The following PCDH9 variants were observed in gnomAD, a reference collection of about 807,000 sequenced individuals.
PCDH9 encodes protocadherin-9.
A neutral mutation model predicts 70.6 loss-of-function variants in PCDH9; 24 were observed. That is an observed-to-expected ratio of 0.34 (90% CI 0.25 to 0.48). PCDH9 has a LOEUF of 0.48. Ranked by LOEUF, PCDH9 falls within the 20% of genes least tolerant of loss-of-function variation. The probability of loss-of-function intolerance (pLI) is 0.99; values close to 1 mark genes in which losing one functional copy is unlikely to be tolerated. For synonymous variants in PCDH9, 562 were observed against 558.5 expected, an observed-to-expected ratio of 1.01 and a Z score of -0.09; for missense variants, 1,281 against 1,503.6, an observed-to-expected ratio of 0.85 and a Z score of 2.45.
intron 2 of PCDH9, among the ~76,000 whole-genome samples, chr13:67,181,540 G>C (rs557343018): frequency 1.3e-5 from 2 of 152,102 alleles, no homozygotes; most frequent in East Asian, 3.9e-4. Context: ...TGCTAATATG[G>C]TATGACATAA....
intron 2 of PCDH9, among the ~76,000 whole-genome samples, chr13:67,121,079 G>A (rs1248696887): frequency 1.3e-5 from 2 of 152,098 alleles, no homozygotes; most frequent in Non-Finnish European, 2.9e-5. Context: ...ACAAAGTCAC[G>A]CAAATGACTC....
intron 4 of PCDH9, among the ~76,000 whole-genome samples, chr13:66,416,813 C>A (rs561203581): frequency 6.6e-6 from 1 of 152,226 alleles, no homozygotes; most frequent in East Asian, 1.9e-4. Context: ...ATGCTAAGCT[C>A]TGAATGCCAA....
intron 4 of PCDH9, among the ~76,000 whole-genome samples, chr13:66,447,007 T>G (rs541284193): frequency 6.6e-6 from 1 of 152,182 alleles, no homozygotes; most frequent in Admixed American, 6.5e-5. Context: ...AGCTTGTTCA[T>G]AAGTTTAGGA....
intron 2 of PCDH9, among the ~76,000 whole-genome samples, chr13:67,109,665 G>A (rs976140759): frequency 9.9e-5 from 15 of 152,082 alleles, no homozygotes; most frequent in East Asian, 1.9e-4. Context: ...TTTCAAAAAC[G>A]TATCTCCAGT....
At chr13:66,887,166 G>A (rs1401126667) in intron 3 of PCDH9, among the ~76,000 whole-genome samples, 6 of 149,444 alleles carry the variant, frequency 4.0e-5, no homozygotes, top group African/African-American at 1.2e-4. Context: ...TTTTGGCACC[G>A]CATCACCAAG....
At chr13:66,969,408 C>G (rs1478036345) in intron 2 of PCDH9, among the ~76,000 whole-genome samples, 1 of 151,944 alleles carries the variant, frequency 6.6e-6, no homozygotes, top group Non-Finnish European at 1.5e-5. Flanking sequence ...TTATATTCAG[C>G]AGCTTATATA....
chr13:66,440,999 T>A (rs1017993866), intron 4 of PCDH9, among the ~76,000 whole-genome samples: 1 of 152,176 alleles, frequency 6.6e-6, no homozygotes, highest in Non-Finnish European at 1.5e-5. Context: ...CTCAACTTCA[T>A]TCACCATGAT....
At chr13:66,633,312 G>A (rs546778508) in intron 3 of PCDH9, among the ~76,000 whole-genome samples, 9 of 152,252 alleles carry the variant, frequency 5.9e-5, no homozygotes, top group African/African-American at 1.9e-4. Flanking sequence ...AACGTGCCTA[G>A]GTGAGTGCTA....
chr13:66,673,711 T>C (rs1191011694), intron 3 of PCDH9, among the ~76,000 whole-genome samples: 1 of 152,178 alleles, frequency 6.6e-6, no homozygotes, highest in East Asian at 1.9e-4. Context: ...AACTTTGTAC[T>C]TTGTTATGGT....
At chr13:66,560,425 G>A (rs1961959343) in intron 4 of PCDH9, among the ~76,000 whole-genome samples, 1 of 150,956 alleles carries the variant, frequency 6.6e-6, no homozygotes, top group Non-Finnish European at 1.5e-5. Flanking sequence ...GTAAGGAGCT[G>A]GACCTTGTGC....
At chr13:66,449,201 T>C (rs1015388631) in intron 4 of PCDH9, among the ~76,000 whole-genome samples, 1 of 152,156 alleles carries the variant, frequency 6.6e-6, no homozygotes, top group Non-Finnish European at 1.5e-5. Context: ...TAGCCACTAG[T>C]ATTTGAACAT....
chr13:67,042,668 C>T (rs1376440272), intron 2 of PCDH9, among the ~76,000 whole-genome samples: 1 of 152,110 alleles, frequency 6.6e-6, no homozygotes, highest in Non-Finnish European at 1.5e-5. Context: ...ACTATTCATT[C>T]AAAAACAAAT....
intron 4 of PCDH9, among the ~76,000 whole-genome samples, chr13:66,522,922 A>T (rs765333185): frequency 2.6e-5 from 4 of 152,078 alleles, no homozygotes; most frequent in Non-Finnish European, 1.5e-5. Context: ...GTCACAGGAA[A>T]CTGACACAAT....
intron 4 of PCDH9, among the ~76,000 whole-genome samples, chr13:66,512,939 C>G (rs1172579749): frequency 6.6e-6 from 1 of 151,954 alleles, no homozygotes; most frequent in African/African-American, 2.4e-5. Flanking sequence ...AGTGATCCTC[C>G]CAACTCAGCC....
rs148704498 is a variant in PCDH9, at chr13:67,228,750, G to T, written c.-135-175C>A. On this transcript the variant is annotated intron_variant, in intron 1 of 4. Coordinates refer to ENST00000377865, the MANE Select transcript of PCDH9 (RefSeq NM_203487.3). ...TAAATATCTCCTGCTGGTTGCATTTGCCGGGAGAAAATAAAATTTTCTACT... is the reference window on the plus strand; with the variant it reads ...TAAATATCTCCTGCTGGTTGCATTTTCCGGGAGAAAATAAAATTTTCTACT... Among the ~76,000 whole-genome samples the T allele has an allele frequency of 2.9e-3, 448 of 152,292 alleles. 2 individuals are homozygous for T. The highest frequency in any genetic ancestry group is 0.01 in the African/African-American group (420 of 41,566).
intron 4 of PCDH9, among the ~76,000 whole-genome samples, chr13:66,334,574 T>C (rs543759281): frequency 3.5e-4 from 54 of 152,156 alleles, no homozygotes; most frequent in African/African-American, 1.2e-3. Flanking sequence ...CTTGCCAGCC[T>C]CCACAACAAT....
chr13:66,860,179 G>T (rs566892715), intron 3 of PCDH9, among the ~76,000 whole-genome samples: 2 of 152,148 alleles, frequency 1.3e-5, no homozygotes, highest in African/African-American at 4.8e-5. Context: ...CCTGAGTGGC[G>T]TCTGTTTTTG....
intron 2 of PCDH9, among the ~76,000 whole-genome samples, chr13:66,907,689 T>C (rs1282280825): frequency 6.6e-6 from 1 of 152,228 alleles, no homozygotes; most frequent in Non-Finnish European, 1.5e-5. Context: ...AAAAGTTTTA[T>C]GGAAGATCTT....
chr13:66,666,822 A>C (rs778095646), intron 3 of PCDH9, among the ~76,000 whole-genome samples: 1 of 152,206 alleles, frequency 6.6e-6, no homozygotes, highest in Non-Finnish European at 1.5e-5. Context: ...TATTTGAGGT[A>C]TGAGGCAAAA....
Sources: allele counts gnomAD v4.1 joint callset (sites outside exome capture counted in the v4.1 genomes callset), GRCh38; gene constraint gnomAD v4.1.1; transcripts MANE v1.5; gene names NCBI Gene and HGNC (gene_info 2026-07-23, HGNC 2026-07-21).